Variants in ZNF100 observed in about 807,000 individuals in gnomAD.
The protein encoded by ZNF100 is zinc finger protein 100 (Y1).
A neutral mutation model predicts 15.8 loss-of-function variants in ZNF100; 12 were observed. That is an observed-to-expected ratio of 0.76 (90% CI 0.49 to 1.23). ZNF100 has a LOEUF of 1.23. Among genes scored for constraint, ZNF100 ranks in the 50% most tolerant of loss-of-function variants. ZNF100 has a pLI of 0.00. For synonymous variants in ZNF100, 226 were observed against 214.8 expected, an observed-to-expected ratio of 1.05 and a Z score of -0.45; for missense variants, 670 against 635.6, an observed-to-expected ratio of 1.05 and a Z score of -0.58.
At chr19:21,742,928 A>T (rs2036143155) in intron 4 of ZNF100, 1 of 152,174 alleles carries the variant, frequency 6.6e-6, no homozygotes, top group South Asian at 2.1e-4. Flanking sequence ...AAAAATCTTT[A>T]CAATAAAAGA....
chr19:21,725,668 T>A lies in ZNF100; in HGVS notation c.*1015A>T, dbSNP rs545937897. On this transcript the variant is annotated 3_prime_UTR_variant, in exon 5 of 5. Coordinates refer to ENST00000358296, the MANE Select transcript of ZNF100 (RefSeq NM_173531.4). ...AGAGTTGAATTACATTATTACTCAC[T>A]TTTCAAAAAATCTAATTTTTTCAAA... The A allele has an allele frequency of 2.0e-5, 3 of 152,270 alleles. No homozygotes were observed. The East Asian group carries it at 5.8e-4, about 29-fold the overall frequency. 9.4% of individuals were successfully genotyped at this position (152,270 alleles called of 1,614,324 possible). A position where few individuals can be genotyped will look rare whatever the true frequency, so the allele number is the denominator to read the frequency against.
chr19:21,745,003 C>A lies in ZNF100; in HGVS notation c.161G>T (p.Ser54Ile). ...TTTCCTATACAAACCCTGCTGAGCA[C>A]TGTCCAGGCATTGCCACTCCTCCAG... is the stretch of plus-strand genomic sequence containing the variant. ...FSLEEWQCLD[S>I]AQQGLYRKVM... Residue 54 changes from serine (S) to isoleucine (I), a missense_variant, in exon 3 of 5, where the codon AGT (serine) becomes ATT (isoleucine). By Grantham distance (142) the Ser-to-Ile change is moderately radical. Transcript: ENST00000358296. 6.2e-7 allele frequency: 1 copy of A among 1,612,888 alleles called. No individual in the cohort carries two copies. The highest frequency in any genetic ancestry group is 8.5e-7 in the Non-Finnish European group (1 of 1,179,786).
At chr19:21,746,239 C>T (rs1012256906) in intron 2 of ZNF100, among the ~76,000 whole-genome samples, 8 of 152,162 alleles carry the variant, frequency 5.3e-5, no homozygotes, top group Non-Finnish European at 1.2e-4. Context: ...ATTCTGAATT[C>T]AATCATACAG....
rs1043125809 is a variant in ZNF100, at chr19:21,726,423, CTT to C, written c.*258_*259del. On this transcript the variant is annotated 3_prime_UTR_variant, in exon 5 of 5. Coordinates refer to ENST00000358296, the MANE Select transcript of ZNF100 (RefSeq NM_173531.4). ...AATCAAGTGTGACAACCATTTAAAA[CTT>C]TATCACATTCTTCACATTTCTAGGA... 2.4e-6 allele frequency: 1 copy of C among 422,936 alleles called. No homozygotes were observed. Among genetic ancestry groups the C allele is most frequent in the Non-Finnish European group, 4.2e-6 (1 of 239,764 alleles). 26.2% of individuals were successfully genotyped at this position (422,936 alleles called of 1,614,324 possible).
chr19:21,745,831 A>T (rs1303998340), intron 2 of ZNF100, among the ~76,000 whole-genome samples: 1 of 152,176 alleles, frequency 6.6e-6, no homozygotes, highest in South Asian at 2.1e-4. Flanking sequence ...CGAGTTTCTG[A>T]ATTTCTAACG....
intron 4 of ZNF100, among the ~76,000 whole-genome samples, chr19:21,736,378 C>T (rs1367364944): frequency 6.6e-6 from 1 of 152,186 alleles, no homozygotes; most frequent in African/African-American, 2.4e-5. Context: ...AGCCACACAT[C>T]CAGCCAGCAC....
At chr19:21,732,091 A>T (rs1252329754) in intron 4 of ZNF100, among the ~76,000 whole-genome samples, 1 of 152,118 alleles carries the variant, frequency 6.6e-6, no homozygotes, top group Non-Finnish European at 1.5e-5. Context: ...GAATCACTTG[A>T]ACCCAGGAGG....
At chr19:21,759,449 CTTTTT>C (rs988895644) in intron 2 of ZNF100, among the ~76,000 whole-genome samples, 2 of 152,264 alleles carry the variant, frequency 1.3e-5, no homozygotes, top group South Asian at 2.1e-4. Context: ...GCTCTCTTTT[CTTTTT>C]TATCACATAG....
Position 21,734,084 on chromosome 19 carries a change from T to A in ZNF100, c.323-6095A>T, listed in dbSNP as rs1227517801. Among the ~76,000 whole-genome samples the A allele has an allele frequency of 2.0e-5, 3 of 152,124 alleles. No homozygotes were observed. The East Asian group carries it at 5.8e-4, about 29-fold the overall frequency. On this transcript the variant is annotated intron_variant, in intron 4 of 4. Transcript: ENST00000358296. ...GGTCAGCAGCCTCAAAGACCAAAGC[T>A]AGATAAACTCATGACGATCAGAAGA...
chr19:21,757,035 T>G (rs371471604), intron 2 of ZNF100, among the ~76,000 whole-genome samples: 1 of 152,334 alleles, frequency 6.6e-6, no homozygotes, highest in South Asian at 2.1e-4. Context: ...GAGAGGTGGC[T>G]CACACCTGTA....
intron 2 of ZNF100, among the ~76,000 whole-genome samples, chr19:21,747,143 T>C (rs2036225745): frequency 6.6e-6 from 1 of 152,142 alleles, no homozygotes; most frequent in Non-Finnish European, 1.5e-5. Flanking sequence ...AATGAACATA[T>C]GGGCCACACT....
intron 2 of ZNF100, among the ~76,000 whole-genome samples, chr19:21,758,489 G>A (rs2036428219): frequency 6.6e-6 from 1 of 152,202 alleles, no homozygotes; most frequent in African/African-American, 2.4e-5. Context: ...AGTGGCCCAG[G>A]TGGCGCTGTA....
chr19:21,733,876 C>T, intron 4 of ZNF100, among the ~76,000 whole-genome samples: 1 of 152,276 alleles, frequency 6.6e-6, no homozygotes, highest in Non-Finnish European at 1.5e-5. Context: ...GTTCTCTCTG[C>T]TGTTCTACAC....
At chr19:21,761,357 T>C (rs1599408656) in intron 2 of ZNF100, among the ~76,000 whole-genome samples, 1 of 152,242 alleles carries the variant, frequency 6.6e-6, no homozygotes, top group African/African-American at 2.4e-5. Flanking sequence ...AGAAACTGTT[T>C]TCTTTTACAA....
At chr19:21,751,829 G>A in intron 2 of ZNF100, 1 of 917,750 alleles carries the variant, frequency 1.1e-6, no homozygotes, top group South Asian at 1.6e-5. Context: ...ATTATGTGAA[G>A]ACAAAGACTT....
intron 1 of ZNF100, 80 bp from the exon 2 acceptor site, chr19:21,765,866 CCA>C (rs2036551115): frequency 2.9e-6 from 4 of 1,386,060 alleles, no homozygotes; most frequent in East Asian, 4.6e-5. Context: ...CTCGGTTTAT[CCA>C]CAGATAGTAC....
chr19:21,749,072 T>C lies in ZNF100; in HGVS notation c.97-4005A>G, dbSNP rs376724475. Among the ~76,000 whole-genome samples the C allele has an allele frequency of 5.9e-5, 9 of 152,322 alleles. No individual in the cohort carries two copies. The East Asian group carries it at 1.5e-3, about 26-fold the overall frequency. On this transcript the variant is annotated intron_variant, in intron 2 of 4. Transcript: ENST00000358296. ...ACCGTACCAACCATATGATGTTTAA[T>C]TCAACCGTGTATCCAGTTGCTAGTC...
At chr19:21,767,268 A>G (rs577214270) in intron 1 of ZNF100, among the ~76,000 whole-genome samples, 159 bp downstream of exon 1, 1 of 152,276 alleles carries the variant, frequency 6.6e-6, no homozygotes, top group East Asian at 1.9e-4. Flanking sequence ...CTGTCAGCGC[A>G]GCCGCCATCT....
chr19:21,758,702 G>A (rs35409731), intron 2 of ZNF100, among the ~76,000 whole-genome samples: 13,593 of 152,214 alleles, frequency 0.089, 799 homozygotes, highest in South Asian at 0.18. Context: ...CCCAAGTGTG[G>A]TGACTAGTCC....
Sources: gnomAD v4.1 joint callset for allele counts (sites outside exome capture counted in the v4.1 genomes callset) on GRCh38, gnomAD v4.1.1 for gene constraint, MANE v1.5 for transcripts, NCBI Gene and HGNC (gene_info 2026-07-23, HGNC 2026-07-21) for gene names.